The following PCDH15 variants were observed in gnomAD, a reference collection of about 807,000 sequenced individuals.
PCDH15 encodes the protein protocadherin related 15.
A neutral mutation model predicts 178.5 loss-of-function variants in PCDH15; 129 were observed. The ratio of observed to expected loss-of-function variants is 0.72; its 90% CI spans 0.63 to 0.84. The LOEUF (loss-of-function observed/expected upper bound fraction) is 0.84, where lower values mean the gene tolerates loss of function less well. PCDH15 is among the 40% of genes least tolerant of loss of function. The probability of loss-of-function intolerance (pLI) is 0.00; values close to 1 mark genes in which losing one functional copy is unlikely to be tolerated. For missense variants in PCDH15, 2,230 were observed against 2,099.9 expected, an observed-to-expected ratio of 1.06 and a Z score of -1.21; for synonymous variants, 800 against 732.0, an observed-to-expected ratio of 1.09 and a Z score of -1.50.
In PCDH15 at chr10:55,311,821, T is replaced by G. The variant is rs146362101; in HGVS notation, c.-156+7778A>C. Among the ~76,000 whole-genome samples, 281 of 152,290 alleles carry G rather than the reference T, an allele frequency of 1.8e-3. 1 individual carries two copies. Among genetic ancestry groups the G allele is most frequent in the African/African-American group, 6.5e-3 (271 of 41,578 alleles). Reference sequence around the variant, plus strand: ...CACTCACAAAATCAGACAAGTAGACTCCATGTGTGCTAATACTCTTCCAAC... The same window carrying G: ...CACTCACAAAATCAGACAAGTAGACGCCATGTGTGCTAATACTCTTCCAAC... On this transcript the variant is annotated intron_variant, in intron 1 of 5. Transcript: ENST00000458638.
chr10:54,268,658 A>T (rs2057851627), intron 8 of PCDH15, among the ~76,000 whole-genome samples: 1 of 151,918 alleles, frequency 6.6e-6, no homozygotes, highest in Admixed American at 6.6e-5. Context: ...ATGCTGGGAC[A>T]CAAGAAAAAT....
intron 6 of PCDH15, among the ~76,000 whole-genome samples, chr10:54,334,483 C>T (rs1055041836): frequency 6.6e-6 from 1 of 152,142 alleles, no homozygotes; most frequent in Non-Finnish European, 1.5e-5. Flanking sequence ...TTGAATCCTA[C>T]AGTTAAAGAT....
At chr10:53,878,380 T>A (rs889490704) in intron 26 of PCDH15, among the ~76,000 whole-genome samples, 1 of 146,020 alleles carries the variant, frequency 6.8e-6, no homozygotes, top group African/African-American at 2.5e-5. Context: ...ATATTCTATA[T>A]ATAGTCTATA....
intron 1 of PCDH15, among the ~76,000 whole-genome samples, chr10:55,235,926 A>G (rs1392790851): frequency 7.9e-6 from 1 of 127,130 alleles, no homozygotes; most frequent in Non-Finnish European, 1.7e-5. Flanking sequence ...AAAAAAAAAA[A>G]AAAAAAGAAT....
chr10:54,513,915 G>C (rs1233521999), intron 3 of PCDH15, among the ~76,000 whole-genome samples: 2 of 152,178 alleles, frequency 1.3e-5, no homozygotes, highest in African/African-American at 4.8e-5. Context: ...TCTATTCTGA[G>C]ATAAAAGGTG....
At chr10:54,108,263 C>T (rs1437472032) in intron 15 of PCDH15, among the ~76,000 whole-genome samples, 5 of 152,060 alleles carry the variant, frequency 3.3e-5, no homozygotes, top group Non-Finnish European at 5.9e-5. Flanking sequence ...ATTGCTGATG[C>T]CACCCCTCCC....
intron 21 of PCDH15, among the ~76,000 whole-genome samples, chr10:53,991,424 T>C (rs1564946952): frequency 6.6e-6 from 1 of 152,136 alleles, no homozygotes; most frequent in Non-Finnish European, 1.5e-5. Context: ...AGAACTTTTA[T>C]GTCTAGCTAA....
chr10:55,178,597 C>G (rs1341108954), intron 1 of PCDH15, among the ~76,000 whole-genome samples: 1 of 152,086 alleles, frequency 6.6e-6, no homozygotes, highest in African/African-American at 2.4e-5. Context: ...GTGAAGATCA[C>G]TGGAATAGAT....
At chr10:54,693,609 T>C (rs1591094109) in intron 1 of PCDH15, among the ~76,000 whole-genome samples, 1 of 152,280 alleles carries the variant, frequency 6.6e-6, no homozygotes, top group East Asian at 1.9e-4. Context: ...TGGTGATTGC[T>C]TTTTCAGTAA....
At chr10:55,348,717 G>A (rs1048100032) in intron 2 of PCDH15, among the ~76,000 whole-genome samples, 2 of 152,070 alleles carry the variant, frequency 1.3e-5, no homozygotes, top group African/African-American at 4.8e-5. Context: ...CCCTGTGGAG[G>A]GAATAGTGCA....
intron 15 of PCDH15, among the ~76,000 whole-genome samples, chr10:54,124,138 T>G (rs1001499321): frequency 6.6e-6 from 1 of 152,142 alleles, no homozygotes; most frequent in Non-Finnish European, 1.5e-5. Context: ...AACGTGTACA[T>G]GTACCCTTTG....
intron 3 of PCDH15, among the ~76,000 whole-genome samples, chr10:54,512,097 G>T (rs564564514): frequency 1.3e-5 from 2 of 152,032 alleles, no homozygotes; most frequent in Admixed American, 1.3e-4. Context: ...TTTCTTAAGA[G>T]AAAATTCAAA....
At chr10:55,324,510 C>T (rs775023163), upstream of PCDH15, among the ~76,000 whole-genome samples, 7 of 152,068 alleles carry the variant, frequency 4.6e-5, no homozygotes, top group South Asian at 2.1e-4. Context: ...TATTACATAA[C>T]GGTAAAGGCA....
intron 2 of PCDH15, among the ~76,000 whole-genome samples, chr10:55,056,129 C>T (rs951612591): frequency 2.0e-5 from 3 of 152,302 alleles, no homozygotes; most frequent in Admixed American, 6.5e-5. Context: ...AAAGCATTCA[C>T]TTAGCAATTT....
intron 12 of PCDH15, among the ~76,000 whole-genome samples, chr10:54,183,830 T>A (rs2048238616): frequency 6.6e-6 from 1 of 152,200 alleles, no homozygotes; most frequent in African/African-American, 2.4e-5. Flanking sequence ...ACTCCAGGCA[T>A]ATTTTAAATA....
intron 2 of PCDH15, among the ~76,000 whole-genome samples, chr10:55,560,951 TA>T (rs2132098814): frequency 6.6e-6 from 1 of 151,986 alleles, no homozygotes; most frequent in African/African-American, 2.4e-5. Flanking sequence ...TTCACAATTT[TA>T]TTTTAAGTAT....
chr10:55,547,528 A>C (rs975805150), intron 2 of PCDH15, among the ~76,000 whole-genome samples: 6 of 152,176 alleles, frequency 3.9e-5, no homozygotes, highest in African/African-American at 1.2e-4. Context: ...GAGCAAGGTG[A>C]GTAAGGTGAG....
intron 2 of PCDH15, among the ~76,000 whole-genome samples, chr10:55,063,066 C>G (rs890318709): frequency 2.2e-4 from 33 of 152,076 alleles, no homozygotes; most frequent in African/African-American, 8.0e-4. Flanking sequence ...TTCAGAACAG[C>G]TATTCAAATT....
chr10:54,983,834 C>T (rs965151257), intron 2 of PCDH15, among the ~76,000 whole-genome samples: 2 of 152,134 alleles, frequency 1.3e-5, no homozygotes, highest in African/African-American at 4.8e-5. Flanking sequence ...TATTCCCTGT[C>T]TCCCAAAATG....
Sources: gnomAD v4.1 joint callset for allele counts (sites outside exome capture counted in the v4.1 genomes callset) on GRCh38, gnomAD v4.1.1 for gene constraint, MANE v1.5 for transcripts, NCBI Gene and HGNC (gene_info 2026-07-23, HGNC 2026-07-21) for gene names.